Variants in TRPC4AP observed in about 807,000 individuals in gnomAD.
The protein encoded by TRPC4AP is short transient receptor potential channel 4-associated protein.
A neutral mutation model predicts 99.0 loss-of-function variants in TRPC4AP; 45 were observed. The ratio of observed to expected loss-of-function variants is 0.45; its 90% CI spans 0.36 to 0.58. The LOEUF is 0.58. Ranked by LOEUF, TRPC4AP falls within the 20% of genes least tolerant of loss-of-function variation. TRPC4AP has a pLI of 0.00. For missense variants in TRPC4AP, 879 were observed against 985.3 expected, an observed-to-expected ratio of 0.89 and a Z score of 1.44; for synonymous variants, 408 against 385.8, an observed-to-expected ratio of 1.06 and a Z score of -0.67.
intron 7 of TRPC4AP, among the ~76,000 whole-genome samples, chr20:35,044,268 A>G (rs1434982764): frequency 6.6e-6 from 1 of 151,786 alleles, no homozygotes; most frequent in Non-Finnish European, 1.5e-5. Flanking sequence ...GCACCTGCCT[A>G]TAGTTCCAGC....
Position 35,062,828 on chromosome 20 carries a change from C to A in TRPC4AP, c.415-5257G>T, listed in dbSNP as rs138067635. On this transcript the variant is annotated intron_variant, in intron 3 of 18. Coordinates refer to ENST00000252015, the MANE Select transcript of TRPC4AP (RefSeq NM_015638.3). ...AACTGAATTATATCTTTTAATATAT[C>A]TTTTAAATGGGTGACTTGTATGACA... is the stretch of plus-strand genomic sequence containing the variant. Among the ~76,000 whole-genome samples, 285 of 152,240 alleles carry A rather than the reference C, an allele frequency of 1.9e-3. 9 individuals are homozygous for A. The East Asian group carries it at 0.05, about 27-fold the overall frequency.
Position 35,091,550 on chromosome 20 carries a change from C to T in TRPC4AP, c.168+1064G>A, listed in dbSNP as rs1358769301. Among the ~76,000 whole-genome samples the T allele has an allele frequency of 3.9e-5, 6 of 152,144 alleles. No homozygotes were observed. In the East Asian group the frequency reaches 7.7e-4, roughly 20 times the overall value. On this transcript the variant is annotated intron_variant, in intron 1 of 18. Transcript: ENST00000252015. ...CTCCCACCAACCACTTTATCAGTTT[C>T]TTGAGTATCCTTCAAACTTTTTATG...
intron 3 of TRPC4AP, among the ~76,000 whole-genome samples, chr20:35,060,620 G>GATTAT (rs2083980290): frequency 6.9e-6 from 1 of 144,598 alleles, no homozygotes; most frequent in African/African-American, 2.5e-5. Flanking sequence ...ACAAGAAAAG[G>GATTAT]ATTATACACC....
At chr20:35,079,718 C>T (rs1794142816) in intron 1 of TRPC4AP, among the ~76,000 whole-genome samples, 3 of 151,996 alleles carry the variant, frequency 2.0e-5, no homozygotes, top group Non-Finnish European at 2.9e-5. Context: ...CCATGGACTT[C>T]GAAGGATGAT....
At chr20:35,004,920 AAAC>A (rs2082485378) in intron 16 of TRPC4AP, among the ~76,000 whole-genome samples, 1 of 152,206 alleles carries the variant, frequency 6.6e-6, no homozygotes, top group Non-Finnish European at 1.5e-5. Flanking sequence ...GCATTAAGAA[AAAC>A]AACGCAAAAG....
At chr20:35,073,174 G>A in intron 2 of TRPC4AP, among the ~76,000 whole-genome samples, 1 of 152,124 alleles carries the variant, frequency 6.6e-6, no homozygotes, top group Non-Finnish European at 1.5e-5. Flanking sequence ...GAGGATTTTG[G>A]GCTGAGACAA....
intron 3 of TRPC4AP, among the ~76,000 whole-genome samples, chr20:35,058,495 G>A (rs746918303): frequency 2.0e-5 from 3 of 152,000 alleles, no homozygotes; most frequent in South Asian, 4.2e-4. Flanking sequence ...AAATCAGAAC[G>A]AAATTTGGGA....
chr20:35,050,754 AC>A (rs1305639090), intron 5 of TRPC4AP, among the ~76,000 whole-genome samples: 1 of 152,054 alleles, frequency 6.6e-6, no homozygotes, highest in African/African-American at 2.4e-5. Context: ...CAACAAAAAA[AC>A]AAAACCCCCA....
chr20:35,041,279 C>T (rs6060173), intron 7 of TRPC4AP, among the ~76,000 whole-genome samples: 110,470 of 152,080 alleles, frequency 0.73, 40,454 homozygotes, highest in Middle Eastern at 0.83. Context: ...CTAAGACTTT[C>T]CTCATCCACT....
At chr20:35,003,327 G>A in intron 18 of TRPC4AP, 44 bp from the exon 19 acceptor site, 2 of 1,613,632 alleles carry the variant, frequency 1.2e-6, no homozygotes, top group Admixed American at 1.7e-5. Flanking sequence ...GAGGACCCAG[G>A]TCAAGCCCAG....
At chr20:35,016,916 T>C (rs1273743649) in intron 9 of TRPC4AP, among the ~76,000 whole-genome samples, 1 of 152,212 alleles carries the variant, frequency 6.6e-6, no homozygotes, top group Non-Finnish European at 1.5e-5. Context: ...TGTTGGTGAC[T>C]TGGGCATTGG....
chr20:35,030,687 T>C (rs946417469), intron 8 of TRPC4AP, among the ~76,000 whole-genome samples: 1 of 152,240 alleles, frequency 6.6e-6, no homozygotes, highest in Non-Finnish European at 1.5e-5. Flanking sequence ...TGATACTCCA[T>C]TACAACTTTG....
At position 35,004,464 on chromosome 20, in the gene TRPC4AP, C is replaced by G. The variant is rs749887412; in HGVS notation, c.2043G>C (p.Leu681=). 4 of 1,613,184 alleles carry G rather than the reference C, an allele frequency of 2.5e-6. No individual in the cohort carries two copies. Among genetic ancestry groups the G allele is most frequent in the Non-Finnish European group, 2.5e-6 (3 of 1,179,566 alleles). ...RLINIIHVQT[L]TQENVSCLNT... ...GTCTGCCGGGGCCTCTCACCTGGGT[C>G]AGCGTCTGCACGTGGATGATGTTGA... The change falls in exon 17 of 19, where the codon CTG becomes CTC. Residue 681 remains leucine, a synonymous_variant. Transcript: ENST00000252015.
At chr20:35,072,998 C>A (rs1255508671) in intron 2 of TRPC4AP, among the ~76,000 whole-genome samples, 1 of 152,206 alleles carries the variant, frequency 6.6e-6, no homozygotes, top group Non-Finnish European at 1.5e-5. Flanking sequence ...AGGTCCTTCA[C>A]ATCCCTTGTG....
At chr20:35,039,160 T>C (rs958085776) in intron 7 of TRPC4AP, among the ~76,000 whole-genome samples, 5 of 148,398 alleles carry the variant, frequency 3.4e-5, no homozygotes, top group Non-Finnish European at 7.3e-5. Flanking sequence ...ATTTTTACTC[T>C]TATACTTCTG....
chr20:35,049,953 A>G lies in TRPC4AP; in HGVS notation c.570T>C (p.Phe190=). The change falls in exon 6 of 19, where the codon TTT becomes TTC. Residue 190 remains phenylalanine (F), a synonymous_variant. Coordinates refer to ENST00000252015, the MANE Select transcript of TRPC4AP (RefSeq NM_015638.3). Reference sequence around the variant, plus strand: ...TCATCAATGTAAACAGGAAGATCACAAAGTCATTCTTTTCTGCCAAACGCT... The same window carrying G: ...TCATCAATGTAAACAGGAAGATCACGAAGTCATTCTTTTCTGCCAAACGCT... ...VTKRLAEKND[F]VIFLFTLMTS... 6.2e-7 allele frequency: 1 copy of G among 1,614,100 alleles called. No individual in the cohort carries two copies. Among genetic ancestry groups the G allele is most frequent in the South Asian group, 1.1e-5 (1 of 91,062 alleles).
intron 9 of TRPC4AP, among the ~76,000 whole-genome samples, chr20:35,017,918 G>C (rs991289800): frequency 6.6e-6 from 1 of 152,166 alleles, no homozygotes; most frequent in Non-Finnish European, 1.5e-5. Flanking sequence ...GATGTAAAAT[G>C]ACACCTGTTC....
chr20:35,024,700 G>A (rs1016387671), intron 8 of TRPC4AP, among the ~76,000 whole-genome samples: 3 of 151,520 alleles, frequency 2.0e-5, no homozygotes, highest in Admixed American at 2.0e-4. Context: ...GCGTGGTGGT[G>A]TGCACCTGTT....
intron 9 of TRPC4AP, 40 bp from the exon 10 acceptor site, chr20:35,016,179 G>A: frequency 3.1e-6 from 5 of 1,612,692 alleles, no homozygotes; most frequent in Non-Finnish European, 3.4e-6. Flanking sequence ...AGACAAATGT[G>A]CTTGAAAAAT....
Sources: allele counts gnomAD v4.1 joint callset (sites outside exome capture counted in the v4.1 genomes callset), GRCh38; gene constraint gnomAD v4.1.1; transcripts MANE v1.5; gene names NCBI Gene and HGNC (gene_info 2026-07-23, HGNC 2026-07-21).